The following SLC5A6 variants were observed in gnomAD, a reference collection of about 807,000 sequenced individuals.
The protein encoded by SLC5A6 is sodium-dependent multivitamin transporter.
Under a neutral mutation model 67.9 loss-of-function variants are expected in SLC5A6, and 31 were observed. The observed-to-expected ratio is 0.46, with a 90% CI of 0.34 to 0.62. The LOEUF is 0.62. SLC5A6 is among the 20% of genes least tolerant of loss of function. The pLI, the probability that SLC5A6 is intolerant of heterozygous loss-of-function variation, is 0.01. For missense variants in SLC5A6, 673 were observed against 812.8 expected, an observed-to-expected ratio of 0.83 and a Z score of 2.09; for synonymous variants, 343 against 331.0, an observed-to-expected ratio of 1.04 and a Z score of -0.39.
intron 12 of SLC5A6, among the ~76,000 whole-genome samples, chr2:27,202,425 A>C (rs1474791916): frequency 2.3e-5 from 3 of 128,796 alleles, no homozygotes; most frequent in Non-Finnish European, 4.7e-5. Context: ...AATCACTTGA[A>C]TGTGGGAGGT....
chr2:27,206,860 A>G lies in SLC5A6; in HGVS notation c.459+17T>C. 1.2e-6 allele frequency: 2 copies of G among 1,604,502 alleles called. No individual in the cohort carries two copies. The highest frequency in any genetic ancestry group is 1.7e-6 in the Non-Finnish European group (2 of 1,171,152). ...CCAACATGCCCTAGGCTCGGTTTCT[A>G]TCCTCATTCTGCTTACCATCTGAAA... On this transcript the variant is annotated intron_variant, in intron 4 of 16. Coordinates refer to ENST00000310574, the MANE Select transcript of SLC5A6 (RefSeq NM_021095.4).
At chr2:27,206,659 C>T in intron 4 of SLC5A6, 125 bp from the exon 5 acceptor site, 2 of 1,015,528 alleles carry the variant, frequency 2.0e-6, no homozygotes, top group East Asian at 2.4e-5. Context: ...CCTCTTCCTT[C>T]TCCTCTCAAA....
Position 27,212,201 on chromosome 2 carries a change from C to G in SLC5A6, c.-389G>C. The stretch of plus-strand genomic sequence containing the variant: ...CAGTATCCCCGAAAGAGGGCTAGGG[C>G]GCATGAAGACCAGCGCAGAGCTCCA... On this transcript the variant is annotated 5_prime_UTR_variant, in exon 1 of 17. Transcript: ENST00000310574. 1 of 1,553,898 alleles carries G rather than the reference C, an allele frequency of 6.4e-7. No homozygotes were observed. Among genetic ancestry groups the G allele is most frequent in the Non-Finnish European group, 8.7e-7 (1 of 1,149,314 alleles).
intron 16 of SLC5A6, among the ~76,000 whole-genome samples, 172 bp downstream of exon 16, chr2:27,200,826 G>A (rs1346691480): frequency 6.6e-6 from 1 of 152,224 alleles, no homozygotes; most frequent in Non-Finnish European, 1.5e-5. Context: ...CACCAAGCCA[G>A]TGCAGTCCTG....
chr2:27,212,161 G>A lies in SLC5A6; in HGVS notation c.-349C>T, dbSNP rs761885835. ...GGAGGCCTTCACTAAAGGGGAAAAG[G>A]AAGAGGGGGTCGGCCAGTATCCCCG... is the stretch of plus-strand genomic sequence containing the variant. On this transcript the variant is annotated 5_prime_UTR_variant, in exon 1 of 17. Coordinates refer to ENST00000310574, the MANE Select transcript of SLC5A6 (RefSeq NM_021095.4). 9.1e-6 allele frequency: 14 copies of A among 1,536,134 alleles called. No homozygotes were observed. The African/African-American group carries it at 2.0e-4, about 21-fold the overall frequency.
At chr2:27,210,218 A>T (rs1178388835) in intron 2 of SLC5A6, among the ~76,000 whole-genome samples, 1 of 152,194 alleles carries the variant, frequency 6.6e-6, no homozygotes, top group Non-Finnish European at 1.5e-5. Flanking sequence ...ATTCCCCTGG[A>T]TGGCCTGAGA....
chr2:27,205,562 C>A, intron 6 of SLC5A6, 58 bp from the exon 7 acceptor site: 2 of 1,586,412 alleles, frequency 1.3e-6, no homozygotes, highest in Non-Finnish European at 1.7e-6. Context: ...GCTTGTCCAA[C>A]CTGCCTTATT....
rs371530278 is a variant in SLC5A6, at chr2:27,207,405, G to A, written c.246C>T (p.Ala82=). The A allele has an allele frequency of 2.7e-5, 44 of 1,614,084 alleles. No individual in the cohort carries two copies. The highest frequency in any genetic ancestry group is 1.0e-4 in the Admixed American group (6 of 60,008). The change falls in exon 3 of 17, where the codon GCC becomes GCT. Residue 82 remains alanine, a synonymous_variant. Transcript: ENST00000310574. This position sits in a 1 kb window ranked among gnomAD's most constrained non-coding sequence, Gnocchi z 5.5. ...CTGACGGCACACCCAGGATGGCCAC[G>A]GCTGACTGGAAGGTGGCCAGCAGGG... is the stretch of plus-strand genomic sequence containing the variant. ...ALSLLATFQS[A]VAILGVPSEI... is the part of the protein sequence containing the mutation.
intron 10 of SLC5A6, 68 bp downstream of exon 10, chr2:27,203,711 C>T: frequency 1.7e-6 from 2 of 1,177,536 alleles, no homozygotes; most frequent in Non-Finnish European, 2.6e-6. Flanking sequence ...CACCCCGCTC[C>T]ACCCATCACC....
In SLC5A6 at chr2:27,204,594, C is replaced by A; in HGVS notation, c.876-4G>T. On this transcript the variant is annotated splice_region_variant and splice_polypyrimidine_tract_variant and intron_variant, in intron 8 of 16. Transcript: ENST00000310574. Reference sequence around the variant, plus strand: ...GGGGAACACTGCATAACAGGAGCTGCAAAAGAGGTCAGTGCCAGGAGGAGA... The same window carrying A: ...GGGGAACACTGCATAACAGGAGCTGAAAAAGAGGTCAGTGCCAGGAGGAGA... 2 of 1,613,790 alleles carry A rather than the reference C, an allele frequency of 1.2e-6. No individual in the cohort carries two copies. The highest frequency in any genetic ancestry group is 1.7e-6 in the Non-Finnish European group (2 of 1,179,792).
At chr2:27,201,234 C>T in intron 15 of SLC5A6, 116 bp downstream of exon 15, 1 of 972,214 alleles carries the variant, frequency 1.0e-6, no homozygotes, top group East Asian at 2.5e-5. Context: ...AGCAGAAAAG[C>T]CTGACAGCTA....
chr2:27,200,908 G>T, intron 16 of SLC5A6, 90 bp downstream of exon 16: 1 of 829,576 alleles, frequency 1.2e-6, no homozygotes, highest in Non-Finnish European at 2.0e-6. Flanking sequence ...CCCGGGGCAG[G>T]GGGAGAGAAA....
chr2:27,209,059 C>T (rs1334951547), intron 2 of SLC5A6, among the ~76,000 whole-genome samples: 1 of 152,210 alleles, frequency 6.6e-6, no homozygotes, highest in Non-Finnish European at 1.5e-5. Flanking sequence ...AATCTTAAAT[C>T]TTTGGACACC....
intron 12 of SLC5A6, 82 bp downstream of exon 12, chr2:27,202,731 A>G: frequency 1.6e-6 from 2 of 1,226,176 alleles, no homozygotes; most frequent in Non-Finnish European, 2.4e-6. Context: ...ATTCCCCTCA[A>G]TATAGCTGCC....
At chr2:27,203,645 T>C (rs1319082773) in intron 10 of SLC5A6, 134 bp downstream of exon 10, 3 of 710,536 alleles carry the variant, frequency 4.2e-6, no homozygotes, top group Non-Finnish European at 7.5e-6. Context: ...TCCCTTGTCA[T>C]GCACACAGAT....
chr2:27,205,416 G>C lies in SLC5A6; in HGVS notation c.668C>G (p.Ala223Gly), dbSNP rs776183880. ...CACACGCCCCAAGCCGCCCACCTTG[G>C]CTGACCCCACAATGATAACTGCCAG... ...GQLAVIIVGS[A>G]KVGGLGRVWA... Residue 223 changes from alanine (A) to glycine (G), a missense_variant, in exon 7 of 17, where the codon GCC becomes GGC. Physicochemically the swap from Ala to Gly is moderately conservative, Grantham distance 60. Transcript: ENST00000310574. The C allele has an allele frequency of 6.2e-7, 1 of 1,614,116 alleles. No homozygotes were observed. The highest frequency in any genetic ancestry group is 1.1e-5 in the South Asian group (1 of 91,088).
chr2:27,205,213 G>T, intron 7 of SLC5A6, 137 bp downstream of exon 7: 2 of 870,414 alleles, frequency 2.3e-6, no homozygotes, highest in Non-Finnish European at 3.5e-6. Flanking sequence ...ATCTCTGCAG[G>T]ACCAGTTTCC....
chr2:27,204,862 G>C lies in SLC5A6; in HGVS notation c.804C>G (p.Leu268=), dbSNP rs376306193. 114 of 1,614,020 alleles carry C rather than the reference G, an allele frequency of 7.1e-5. No individual in the cohort carries two copies. Among genetic ancestry groups the C allele is most frequent in the African/African-American group, 2.3e-4 (17 of 74,902 alleles). The change falls in exon 8 of 17, where the codon CTC becomes CTG. Residue 268 remains leucine (L), a synonymous_variant. Coordinates refer to ENST00000310574, the MANE Select transcript of SLC5A6 (RefSeq NM_021095.4). ...GAGCCTGGTTCACCCCGTATAAGGA[G>C]AGCATCATGAAGACACCCCCGAAGG... ...TLAFGGVFMM[L]SLYGVNQAQV... is the part of the protein sequence containing the mutation.
At position 27,202,068 on chromosome 2, in the gene SLC5A6, T is replaced by C. The variant is rs143540129; in HGVS notation, c.1282A>G (p.Ile428Val). Reference sequence around the variant, plus strand: ...CCCCCAACCATGCCAAAGATGCTGATTGCTGCCTAGGAGGACAGGGTGAGA... The same window carrying C: ...CCCCCAACCATGCCAAAGATGCTGACTGCTGCCTAGGAGGACAGGGTGAGA... ...SQMGPVLQAA[I>V]SIFGMVGGPL... The change falls in exon 13 of 17, where the codon ATC (isoleucine) becomes GTC (valine). Residue 428 changes from isoleucine to valine, a missense_variant. By Grantham distance (29) the Ile-to-Val change is conservative. Transcript: ENST00000310574. 211 of 1,613,166 alleles carry C rather than the reference T, an allele frequency of 1.3e-4. No individual in the cohort carries two copies. The African/African-American group carries it at 2.5e-3, about 19-fold the overall frequency.
Sources: allele counts gnomAD v4.1 joint callset (sites outside exome capture counted in the v4.1 genomes callset), GRCh38; gene constraint gnomAD v4.1.1; non-coding constraint Gnocchi (gnomAD v3.1); transcripts MANE v1.5; gene names NCBI Gene and HGNC (gene_info 2026-07-23, HGNC 2026-07-21).